The following DPP4 variants were observed in gnomAD, a reference collection of about 807,000 sequenced individuals.
The protein encoded by DPP4 is dipeptidyl peptidase 4, also known as ADCP-2.
A neutral mutation model predicts 122.4 loss-of-function variants in DPP4; 93 were observed. The observed-to-expected ratio is 0.76, with a 90% CI of 0.64 to 0.90. The LOEUF (loss-of-function observed/expected upper bound fraction) is 0.90, where lower values mean the gene tolerates loss of function less well. Among genes scored for constraint, DPP4 ranks in the 40% least tolerant of loss-of-function variants. The probability of loss-of-function intolerance (pLI) is 0.00; values close to 1 mark genes in which losing one functional copy is unlikely to be tolerated. For missense variants in DPP4, 914 were observed against 907.3 expected (o/e 1.01, Z -0.09); for synonymous variants, 321 against 302.9 (o/e 1.06, Z -0.62).
intron 12 of DPP4, among the ~76,000 whole-genome samples, chr2:162,021,860 T>C (rs932247429): frequency 3.3e-5 from 5 of 151,748 alleles, no homozygotes; most frequent in African/African-American, 1.2e-4. Flanking sequence ...CTTTTCATGT[T>C]GGCAAACCTC....
At chr2:162,036,216 A>T (rs187190648) in intron 8 of DPP4, among the ~76,000 whole-genome samples, 1 of 152,352 alleles carries the variant, frequency 6.6e-6, no homozygotes, top group Non-Finnish European at 1.5e-5. Context: ...AAAAGCATAG[A>T]AACTAGAATC....
chr2:162,033,434 A>AAT lies in DPP4; in HGVS notation c.887+106_887+107insAT. Reference sequence around the variant, plus strand: ...AAAGAATGAATGACTGTCAGCGGGGATGACACAGTGGGAGGCTGTGATCCA... The same window carrying AAT: ...AAAGAATGAATGACTGTCAGCGGGGAATTGACACAGTGGGAGGCTGTGATCCA... On this transcript the variant is annotated intron_variant, in intron 10 of 25. Coordinates refer to ENST00000360534, the MANE Select transcript of DPP4 (RefSeq NM_001935.4). 5 of 714,426 alleles carry AAT rather than the reference A, an allele frequency of 7.0e-6. No individual in the cohort carries two copies. The South Asian group carries it at 9.6e-5, about 14-fold the overall frequency. 44.3% of individuals were successfully genotyped at this position (714,426 alleles called of 1,614,324 possible).
chr2:162,050,112 G>A (rs1241321160), intron 2 of DPP4, among the ~76,000 whole-genome samples: 2 of 152,116 alleles, frequency 1.3e-5, no homozygotes, highest in African/African-American at 4.8e-5. Flanking sequence ...AACTCATATT[G>A]AGAATAGTAA....
chr2:162,009,513 T>TTGTGTG (rs57878632), intron 20 of DPP4, among the ~76,000 whole-genome samples: 33,162 of 144,160 alleles, frequency 0.23, 3,767 homozygotes, highest in Non-Finnish European at 0.26. Flanking sequence ...TTCATAAAAA[T>TTGTGTG]TGTGTGTGTG....
At chr2:162,051,602 T>C (rs752113126) in intron 2 of DPP4, among the ~76,000 whole-genome samples, 14 of 152,258 alleles carry the variant, frequency 9.2e-5, no homozygotes, top group Non-Finnish European at 1.9e-4. Flanking sequence ...ACATTCCATA[T>C]TGATGCTTGT....
intron 3 of DPP4, 131 bp from the exon 4 acceptor site, chr2:162,047,137 ATAT>A (rs1183296725): frequency 6.9e-6 from 4 of 583,594 alleles, no homozygotes; most frequent in African/African-American, 3.7e-5. Context: ...AACATGAATG[ATAT>A]TATACTAACA....
chr2:162,046,566 G>A (rs1684179257), intron 4 of DPP4: 2 of 378,674 alleles, frequency 5.3e-6, no homozygotes, highest in African/African-American at 4.2e-5. Context: ...GAGAAGGTTA[G>A]CGTTAAGTGT....
intron 10 of DPP4, among the ~76,000 whole-genome samples, chr2:162,030,398 C>T (rs2106113917): frequency 6.6e-6 from 1 of 152,304 alleles, no homozygotes; most frequent in South Asian, 2.1e-4. Context: ...ACAAACCAGC[C>T]TCATCCTCCT....
chr2:162,037,202 AT>A (rs1400485664), intron 8 of DPP4, among the ~76,000 whole-genome samples: 1 of 152,160 alleles, frequency 6.6e-6, no homozygotes, highest in Non-Finnish European at 1.5e-5. Context: ...CCCTCCAGCA[AT>A]TATCTACTTT....
chr2:162,012,975 G>T (rs1682758313), intron 19 of DPP4, among the ~76,000 whole-genome samples: 1 of 151,918 alleles, frequency 6.6e-6, no homozygotes, highest in South Asian at 2.1e-4. Flanking sequence ...ACTTTAAACA[G>T]GAAAATGCAT....
At chr2:162,068,196 G>A (rs1338775038) in intron 2 of DPP4, among the ~76,000 whole-genome samples, 1 of 152,078 alleles carries the variant, frequency 6.6e-6, no homozygotes, top group Non-Finnish European at 1.5e-5. Flanking sequence ...GAGAATGAAG[G>A]CAGCAGCAGT....
In DPP4 at chr2:162,008,518, G is replaced by A. The variant is rs567095078; in HGVS notation, c.1987+44C>T. On this transcript the variant is annotated intron_variant, in intron 22 of 25. Coordinates refer to ENST00000360534, the MANE Select transcript of DPP4 (RefSeq NM_001935.4). ...AATGGCTTTGTTACTGGCATTTTGA[G>A]GTCAACACTCCGTATCTCTTTGTAC... 21 of 1,525,502 alleles carry A rather than the reference G, an allele frequency of 1.4e-5. No homozygotes were observed. The South Asian group carries it at 2.0e-4, about 15-fold the overall frequency. The allele number at this position is 1,525,502 out of a possible 1,614,324, so 94.5% of individuals were successfully genotyped here.
intron 2 of DPP4, among the ~76,000 whole-genome samples, chr2:162,064,544 T>C (rs1428804972): frequency 6.6e-6 from 1 of 152,216 alleles, no homozygotes; most frequent in Non-Finnish European, 1.5e-5. Flanking sequence ...ATCTAAGTTT[T>C]ACCATTTTTT....
At chr2:162,070,656 G>A (rs1012230733) in intron 2 of DPP4, among the ~76,000 whole-genome samples, 4 of 151,746 alleles carry the variant, frequency 2.6e-5, no homozygotes, top group African/African-American at 9.7e-5. Context: ...AACATGGAGG[G>A]CATTTCTTGG....
intron 20 of DPP4, among the ~76,000 whole-genome samples, chr2:162,011,380 A>AC (rs1682702407): frequency 6.6e-6 from 1 of 152,146 alleles, no homozygotes; most frequent in East Asian, 1.9e-4. Flanking sequence ...ACTGCCTATG[A>AC]CGTAAATGTA....
intron 23 of DPP4, among the ~76,000 whole-genome samples, chr2:162,000,161 G>T (rs1161058257): frequency 2.0e-5 from 3 of 152,074 alleles, no homozygotes; most frequent in Non-Finnish European, 4.4e-5. Context: ...ACTTCAGTAA[G>T]ATACGACTTT....
rs1682718310 is a variant in DPP4, at chr2:162,011,909, G to A, written c.1716C>T (p.Asn572=). 6.2e-7 allele frequency: 1 copy of A among 1,613,604 alleles called. No individual in the cohort carries two copies. ...TGCCATCAAAGCTAGCTACTATAAT[G>A]TTTTCTGTGCTTGCAAGGTAAGTGG... ...NWATYLASTE[N]IIVASFDGRG... The change falls in exon 20 of 26, where the codon AAC becomes AAT. Residue 572 remains asparagine, a synonymous_variant. Coordinates refer to ENST00000360534, the MANE Select transcript of DPP4 (RefSeq NM_001935.4).
intron 10 of DPP4, among the ~76,000 whole-genome samples, chr2:162,025,999 C>G (rs145751626): frequency 1.8e-4 from 28 of 152,296 alleles, no homozygotes; most frequent in African/African-American, 6.3e-4. Flanking sequence ...TGACTCAACA[C>G]AGGCACTAAT....
chr2:161,999,008 A>C (rs969410061), intron 23 of DPP4, among the ~76,000 whole-genome samples: 2 of 152,226 alleles, frequency 1.3e-5, no homozygotes, highest in East Asian at 3.9e-4. Context: ...TCCCCTGCTC[A>C]CTGGGAGAAG....
Sources: allele counts gnomAD v4.1 joint callset (sites outside exome capture counted in the v4.1 genomes callset), GRCh38; gene constraint gnomAD v4.1.1; transcripts MANE v1.5; gene names NCBI Gene and HGNC (gene_info 2026-07-23, HGNC 2026-07-21).